The following RGS6 variants were observed in gnomAD, a reference collection of about 807,000 sequenced individuals.
RGS6 encodes regulator of G protein signaling 6.
Under a neutral mutation model 78.5 loss-of-function variants are expected in RGS6, and 30 were observed. That is an observed-to-expected ratio of 0.38 (90% CI 0.29 to 0.52). RGS6 has a LOEUF of 0.52. RGS6 is among the 20% of genes least tolerant of loss of function. RGS6 has a pLI of 0.85. For missense variants in RGS6, 495 were observed against 609.7 expected (o/e 0.81, Z 1.98); for synonymous variants, 206 against 206.0 (o/e 1.00, Z 0.00).
At chr14:72,242,114 G>A (rs1188320746) in intron 2 of RGS6, among the ~76,000 whole-genome samples, 1 of 152,150 alleles carries the variant, frequency 6.6e-6, no homozygotes, top group South Asian at 2.1e-4. Context: ...ATATTAACAA[G>A]AGAAAAGACA....
Position 72,195,932 on chromosome 14 carries a change from A to G in RGS6, c.85-156163A>G, listed in dbSNP as rs551444138. Reference sequence around the variant, plus strand: ...CACACAAGATTTTGAACTTAAATTTATAGGCAATGGGGATTTAGATAAAGT... The same window carrying G: ...CACACAAGATTTTGAACTTAAATTTGTAGGCAATGGGGATTTAGATAAAGT... On this transcript the variant is annotated intron_variant, in intron 2 of 17. Coordinates refer to ENST00000553525, the MANE Select transcript of RGS6 (RefSeq NM_001204424.2). 1.6e-4 allele frequency among the ~76,000 whole-genome samples: 25 copies of G among 152,336 alleles called. 1 individual carries two copies. The highest frequency in any genetic ancestry group is 1.0e-3 in the South Asian group (5 of 4,828).
chr14:72,465,189 CA>C (rs2095869884), intron 6 of RGS6, among the ~76,000 whole-genome samples: 1 of 152,180 alleles, frequency 6.6e-6, no homozygotes, highest in East Asian at 1.9e-4. Context: ...AAGCAGTGAG[CA>C]GATCATAAAG....
At chr14:72,417,764 A>C (rs530566813) in intron 3 of RGS6, among the ~76,000 whole-genome samples, 10 of 152,358 alleles carry the variant, frequency 6.6e-5, no homozygotes, top group African/African-American at 2.4e-4. Context: ...ATCTGTGCAA[A>C]CATTTAGACG....
At chr14:72,531,714 A>G (rs2097185213) in intron 15 of RGS6, among the ~76,000 whole-genome samples, 1 of 152,196 alleles carries the variant, frequency 6.6e-6, no homozygotes, top group South Asian at 2.1e-4. Context: ...GGTATATAGC[A>G]TGCAATTTTG....
At chr14:72,383,080 C>T (rs1040112157) in intron 3 of RGS6, among the ~76,000 whole-genome samples, 1 of 149,702 alleles carries the variant, frequency 6.7e-6, no homozygotes. Context: ...TATACTTTTA[C>T]ATATATGCTT....
At chr14:72,115,574 G>A (rs1405656974) in intron 2 of RGS6, among the ~76,000 whole-genome samples, 1 of 152,158 alleles carries the variant, frequency 6.6e-6, no homozygotes, top group Admixed American at 6.5e-5. Flanking sequence ...GGGAAGGGCT[G>A]GACAGGCCCA....
intron 17 of RGS6, among the ~76,000 whole-genome samples, chr14:72,544,445 A>G (rs1360923979): frequency 1.3e-5 from 2 of 152,102 alleles, no homozygotes; most frequent in Non-Finnish European, 2.9e-5. Flanking sequence ...CTTGGGCTCC[A>G]AAGATAGATA....
At chr14:72,270,832 G>A (rs765765478) in intron 2 of RGS6, among the ~76,000 whole-genome samples, 2 of 152,292 alleles carry the variant, frequency 1.3e-5, no homozygotes, top group Admixed American at 6.5e-5. Flanking sequence ...TGAATGCACC[G>A]AAAGTTAAGT....
At chr14:71,985,184 T>C (rs2332703) in intron 2 of RGS6, among the ~76,000 whole-genome samples, 66,922 of 151,764 alleles carry the variant, frequency 0.44, 15,263 homozygotes, top group East Asian at 0.54. Context: ...AGTGCAGTGG[T>C]GTGATCTCGG....
intron 10 of RGS6, 66 bp downstream of exon 10, chr14:72,474,765 A>C: frequency 7.9e-7 from 1 of 1,265,666 alleles, no homozygotes; most frequent in Non-Finnish European, 1.1e-6. Context: ...AGTACTATTC[A>C]AATAGTAATT....
At chr14:72,116,789 C>T (rs567648955) in intron 2 of RGS6, among the ~76,000 whole-genome samples, 10 of 151,844 alleles carry the variant, frequency 6.6e-5, no homozygotes, top group Middle Eastern at 3.4e-3. Flanking sequence ...CATGGTGAAA[C>T]CCTGTCTCTA....
chr14:72,304,635 G>T (rs1291771445), intron 2 of RGS6, among the ~76,000 whole-genome samples: 2 of 152,154 alleles, frequency 1.3e-5, no homozygotes, highest in African/African-American at 2.4e-5. Context: ...CCAGCACTTT[G>T]GGAGGCCAAG....
At chr14:72,130,559 G>C (rs1268810491) in intron 2 of RGS6, among the ~76,000 whole-genome samples, 3 of 152,126 alleles carry the variant, frequency 2.0e-5, no homozygotes, top group Non-Finnish European at 4.4e-5. Flanking sequence ...AGATGTTCCT[G>C]TCACTCAGGA....
At chr14:72,233,901 G>A (rs2050308555) in intron 2 of RGS6, among the ~76,000 whole-genome samples, 1 of 152,122 alleles carries the variant, frequency 6.6e-6, no homozygotes, top group Non-Finnish European at 1.5e-5. Context: ...GTGGTGATGG[G>A]GTGAAGGACC....
At position 72,071,114 on chromosome 14, in the gene RGS6, A is replaced by G. The variant is rs75687885; in HGVS notation, c.84+106239A>G. 4.0e-3 allele frequency among the ~76,000 whole-genome samples: 604 copies of G among 152,258 alleles called. 2 individuals are homozygous for G. The highest frequency in any genetic ancestry group is 7.1e-3 in the Non-Finnish European group (484 of 68,028). ...CCACCTATGTATGTATCAATAAACA[A>G]TGTATTCTTTAGTGCTTCCTTATTT... On this transcript the variant is annotated intron_variant, in intron 2 of 17. Coordinates refer to ENST00000553525, the MANE Select transcript of RGS6 (RefSeq NM_001204424.2).
chr14:72,314,313 C>G (rs184136307), intron 2 of RGS6, among the ~76,000 whole-genome samples: 26 of 152,258 alleles, frequency 1.7e-4, no homozygotes, highest in African/African-American at 5.8e-4. Flanking sequence ...CTCATAATCA[C>G]AAGATGGCTG....
chr14:72,233,464 T>C (rs778495143), intron 2 of RGS6, among the ~76,000 whole-genome samples: 4 of 152,214 alleles, frequency 2.6e-5, no homozygotes, highest in Admixed American at 6.5e-5. Flanking sequence ...GTGGGACTTA[T>C]AGATGGCTTA....
At chr14:72,588,847 G>A in the RGS6 span, among the ~76,000 whole-genome samples, 1 of 152,170 alleles carries the variant, frequency 6.6e-6, no homozygotes, top group African/African-American at 2.4e-5. Flanking sequence ...AGAAAGGAGT[G>A]TGCAGGAGAG....
At chr14:72,056,296 C>T (rs1163501536) in intron 2 of RGS6, among the ~76,000 whole-genome samples, 1 of 152,160 alleles carries the variant, frequency 6.6e-6, no homozygotes, top group Non-Finnish European at 1.5e-5. Flanking sequence ...TAGTATGCCT[C>T]CAACAAGGCT....
Sources: allele counts gnomAD v4.1 joint callset (sites outside exome capture counted in the v4.1 genomes callset), GRCh38; gene constraint gnomAD v4.1.1; transcripts MANE v1.5; gene names NCBI Gene and HGNC (gene_info 2026-07-23, HGNC 2026-07-21).